PTPRD: variants seen among roughly 807,000 people sequenced by gnomAD.
The protein encoded by PTPRD is protein tyrosine phosphatase receptor type D.
Under a neutral mutation model 214.5 loss-of-function variants are expected in PTPRD, and 34 were observed. The ratio of observed to expected loss-of-function variants is 0.16; its 90% confidence interval spans 0.12 to 0.21. The LOEUF is 0.21. Ranked by LOEUF, PTPRD falls within the 10% of genes least tolerant of loss-of-function variation. The pLI is 1.00. For synonymous variants in PTPRD, 1,128 were observed against 845.7 expected, an observed-to-expected ratio of 1.33 and a Z score of -5.79; for missense variants, 2,545 against 2,398.7, an observed-to-expected ratio of 1.06 and a Z score of -1.27.
chr9:8,607,081 T>A (rs2095253865), intron 14 of PTPRD, among the ~76,000 whole-genome samples: 1 of 152,206 alleles, frequency 6.6e-6, no homozygotes. Context: ...TACAAAATTT[T>A]GGTTAGGAGA....
chr9:9,354,684 T>C (rs2052999442), intron 9 of PTPRD, among the ~76,000 whole-genome samples: 1 of 151,738 alleles, frequency 6.6e-6, no homozygotes, highest in African/African-American at 2.4e-5. Flanking sequence ...AAAAGTGCTA[T>C]GGAATGATAG....
At chr9:8,497,367 C>CA (rs1285945802) in intron 25 of PTPRD, 99 bp from the exon 26 acceptor site, 6 of 1,020,578 alleles carry the variant, frequency 5.9e-6, no homozygotes, top group Admixed American at 3.6e-5. Context: ...TTAAAAAAAT[C>CA]AAAAAAATAA....
At chr9:9,484,636 T>C (rs535455329) in intron 8 of PTPRD, among the ~76,000 whole-genome samples, 1 of 152,318 alleles carries the variant, frequency 6.6e-6, no homozygotes, top group East Asian at 1.9e-4. Context: ...TTTCATTTAA[T>C]CCTTGCAACA....
At chr9:9,132,943 G>T (rs1030097763) in intron 10 of PTPRD, among the ~76,000 whole-genome samples, 2 of 152,116 alleles carry the variant, frequency 1.3e-5, no homozygotes, top group African/African-American at 2.4e-5. Flanking sequence ...ATATTCATTT[G>T]CATATCAGAT....
chr9:10,288,023 C>G (rs972135256), intron 3 of PTPRD, among the ~76,000 whole-genome samples: 8 of 151,404 alleles, frequency 5.3e-5, no homozygotes, highest in Non-Finnish European at 1.2e-4. Context: ...CTAGAGCAAT[C>G]CTAGTCTTAA....
chr9:9,374,093 C>G (rs1201298661), intron 9 of PTPRD, among the ~76,000 whole-genome samples: 1 of 151,516 alleles, frequency 6.6e-6, no homozygotes, highest in Non-Finnish European at 1.5e-5. Flanking sequence ...GAATTGTACG[C>G]AACCATAAAA....
chr9:9,532,455 G>C (rs1314550192), intron 8 of PTPRD, among the ~76,000 whole-genome samples: 1 of 152,124 alleles, frequency 6.6e-6, no homozygotes, highest in Non-Finnish European at 1.5e-5. Context: ...CTTTCTGCAG[G>C]CTGGCTTTCA....
chr9:8,886,301 T>C (rs1349095038), intron 11 of PTPRD, among the ~76,000 whole-genome samples: 1 of 152,150 alleles, frequency 6.6e-6, no homozygotes, highest in Admixed American at 6.5e-5. Context: ...AACTATGTAA[T>C]TGCCATAGTT....
chr9:9,465,404 G>C (rs981922516), intron 8 of PTPRD, among the ~76,000 whole-genome samples: 1 of 152,140 alleles, frequency 6.6e-6, no homozygotes, highest in East Asian at 1.9e-4. Context: ...AAGGCTAAGA[G>C]CCAAAAACCA....
At chr9:9,833,860 G>C (rs142688491) in intron 5 of PTPRD, among the ~76,000 whole-genome samples, 7 of 152,138 alleles carry the variant, frequency 4.6e-5, no homozygotes, top group Admixed American at 4.6e-4. Flanking sequence ...CTTATTCCCT[G>C]AACAACTGCT....
intron 11 of PTPRD, among the ~76,000 whole-genome samples, chr9:8,867,103 A>G (rs2098212185): frequency 6.6e-6 from 1 of 152,154 alleles, no homozygotes; most frequent in Non-Finnish European, 1.5e-5. Flanking sequence ...AAAAATTCCA[A>G]AGATTCTGAG....
chr9:8,743,734 A>C (rs1237509461), intron 11 of PTPRD, among the ~76,000 whole-genome samples: 1 of 151,856 alleles, frequency 6.6e-6, no homozygotes, highest in African/African-American at 2.4e-5. Flanking sequence ...AATGCAACAA[A>C]AACAAACATT....
At chr9:9,105,793 T>C (rs1484778201) in intron 10 of PTPRD, among the ~76,000 whole-genome samples, 2 of 152,222 alleles carry the variant, frequency 1.3e-5, no homozygotes, top group African/African-American at 4.8e-5. Context: ...GTGGCTTTGC[T>C]TAAGTGTCAG....
intron 7 of PTPRD, among the ~76,000 whole-genome samples, chr9:9,593,109 A>AATGG (rs1563920602): frequency 2.2e-4 from 33 of 148,798 alleles, no homozygotes; most frequent in Admixed American, 8.1e-4. Context: ...AGAGAGAGAG[A>AATGG]AAGGAAGGAA....
intron 2 of PTPRD, among the ~76,000 whole-genome samples, chr9:10,524,935 G>A (rs960943050): frequency 6.6e-6 from 1 of 150,758 alleles, no homozygotes; most frequent in Non-Finnish European, 1.5e-5. Context: ...AAAAAAAAAA[G>A]CAAAATAAGT....
chr9:10,268,472 A>G (rs1459341695), intron 3 of PTPRD, among the ~76,000 whole-genome samples: 1 of 152,090 alleles, frequency 6.6e-6, no homozygotes, highest in Non-Finnish European at 1.5e-5. Context: ...TTGACCTCAA[A>G]AACTCTAAAG....
At chr9:8,649,849 A>G (rs1245626539) in intron 12 of PTPRD, among the ~76,000 whole-genome samples, 2 of 152,190 alleles carry the variant, frequency 1.3e-5, no homozygotes, top group African/African-American at 4.8e-5. Flanking sequence ...AGATGCTTAA[A>G]TATTTGGCTA....
At chr9:9,291,763 A>G (rs1214481888) in intron 9 of PTPRD, among the ~76,000 whole-genome samples, 1 of 145,044 alleles carries the variant, frequency 6.9e-6, no homozygotes, top group Non-Finnish European at 1.5e-5. Flanking sequence ...CGGAAGATTT[A>G]TAAATTTAAA....
At chr9:10,409,149 C>A (rs1319128961) in intron 2 of PTPRD, among the ~76,000 whole-genome samples, 2 of 151,650 alleles carry the variant, frequency 1.3e-5, no homozygotes, top group Non-Finnish European at 2.9e-5. Flanking sequence ...ATGTGGGCTA[C>A]AACACACAAA....
Sources: allele counts gnomAD v4.1 joint callset (sites outside exome capture counted in the v4.1 genomes callset), GRCh38; gene constraint gnomAD v4.1.1; transcripts MANE v1.5; gene names NCBI Gene and HGNC (gene_info 2026-07-23, HGNC 2026-07-21).